HDAC8: variants seen among roughly 807,000 people sequenced by gnomAD.
HDAC8 encodes histone deacetylase 8, also known as histone deacetylase-like 1.
HDAC8 carries 1 observed loss-of-function variant against 32.2 expected under a neutral mutation model. The observed-to-expected ratio is 0.03, with a 90% CI of 0.01 to 0.15. The LOEUF is 0.15. HDAC8 is among the 10% of genes least tolerant of loss of function. The probability of loss-of-function intolerance (pLI) is 1.00; values close to 1 mark genes in which losing one functional copy is unlikely to be tolerated. For synonymous variants in HDAC8, 108 were observed against 113.9 expected, an observed-to-expected ratio of 0.95 and a Z score of 0.33; for missense variants, 117 against 300.0, an observed-to-expected ratio of 0.39 and a Z score of 4.51.
intron 9 of HDAC8, among the ~76,000 whole-genome samples, chrX:72,384,309 T>C (rs2045357419): frequency 8.9e-6 from 1 of 112,380 alleles, no homozygotes; most frequent in South Asian, 3.7e-4. Context: ...GCTCCACAGC[T>C]TGGCCTCCAA....
chrX:72,499,959 C>T (rs924095566), intron 4 of HDAC8, among the ~76,000 whole-genome samples: 8 of 111,324 alleles, frequency 7.2e-5, no homozygotes, highest in African/African-American at 2.6e-4. Flanking sequence ...TTACCACTGG[C>T]CCCACAGAAG....
At chrX:72,415,796 G>A (rs2147911522) in intron 9 of HDAC8, among the ~76,000 whole-genome samples, 1 of 111,919 alleles carries the variant, frequency 8.9e-6, no homozygotes, top group African/African-American at 3.2e-5. Flanking sequence ...TTGATATTGT[G>A]ACCTGCAACC....
At chrX:72,474,866 G>T in intron 7 of HDAC8, 1 of 417,710 alleles carries the variant, frequency 2.4e-6, no homozygotes, top group South Asian at 5.0e-5. Flanking sequence ...GTGTGCCTTT[G>T]AGATCTTTCA....
chrX:72,433,817 T>C (rs1292668377), intron 9 of HDAC8, among the ~76,000 whole-genome samples: 3 of 112,170 alleles, frequency 2.7e-5, no homozygotes, highest in Admixed American at 1.9e-4. Flanking sequence ...CAGCTAAGTG[T>C]GGTGAAAGCT....
At chrX:72,525,763 G>C (rs1315306740) in intron 4 of HDAC8, among the ~76,000 whole-genome samples, 6 of 85,251 alleles carry the variant, frequency 7.0e-5, no homozygotes, top group Non-Finnish European at 4.3e-5. Context: ...GCAGTGAGCC[G>C]AGATCGCGCC....
chrX:72,490,762 A>G (rs1262108225), intron 6 of HDAC8, among the ~76,000 whole-genome samples, 167 bp downstream of exon 6: 1 of 110,728 alleles, frequency 9.0e-6, no homozygotes, highest in African/African-American at 3.3e-5. Context: ...ATAAAAAAGA[A>G]ATTTACAAAA....
At chrX:72,358,244 C>T (rs1602571965) in intron 9 of HDAC8, among the ~76,000 whole-genome samples, 1 of 111,401 alleles carries the variant, frequency 9.0e-6, no homozygotes, top group African/African-American at 3.3e-5. Context: ...TAGATTTGTT[C>T]TTATTGTAGA....
chrX:72,351,729 T>C lies in HDAC8; in HGVS notation c.1111+4A>G, dbSNP rs1284278675. On this transcript the variant is annotated splice_donor_region_variant and intron_variant, in intron 10 of 10. Coordinates refer to ENST00000373573, the MANE Select transcript of HDAC8 (RefSeq NM_018486.3). ...GAGGGCAGGCCTCGAGGGGCGGTGC[T>C]CACCTTTGATGTAGTTGAGGATTTG... The C allele has an allele frequency of 1.3e-5, 16 of 1,193,231 alleles. No individual in the cohort carries two copies. The highest frequency in any genetic ancestry group is 1.7e-5 in the Non-Finnish European group (15 of 879,937).
chrX:72,542,451 T>G (rs2050737460), intron 4 of HDAC8, among the ~76,000 whole-genome samples: 1 of 112,339 alleles, frequency 8.9e-6, no homozygotes, highest in African/African-American at 3.2e-5. Context: ...AAAGCATACC[T>G]ATAATCAGAT....
intron 10 of HDAC8, among the ~76,000 whole-genome samples, chrX:72,349,324 C>G (rs1290892785): frequency 8.9e-6 from 1 of 112,238 alleles, no homozygotes; most frequent in Non-Finnish European, 1.9e-5. Flanking sequence ...TGTCTAGAGC[C>G]CTTTAAAATG....
In HDAC8 at chrX:72,529,873, T is replaced by C. The variant is rs184730844; in HGVS notation, c.438-34605A>G. On this transcript the variant is annotated intron_variant, in intron 4 of 10. Coordinates refer to ENST00000373573, the MANE Select transcript of HDAC8 (RefSeq NM_018486.3). Reference sequence around the variant, plus strand: ...GTGGATTTCCCCCTTGCTGTTCCCATGATAGTGAGTTCTTATGAGATCTGG... The same window carrying C: ...GTGGATTTCCCCCTTGCTGTTCCCACGATAGTGAGTTCTTATGAGATCTGG... Among the ~76,000 whole-genome samples, 44 of 111,224 alleles carry C rather than the reference T, an allele frequency of 4.0e-4. No homozygotes were observed. The East Asian group carries it at 0.011, about 29-fold the overall frequency.
Position 72,558,605 on chromosome X carries a change from A to G in HDAC8, c.437+9284T>C, listed in dbSNP as rs1325878655. ...GTACCTTAAGGTAATAAAAGGTAATAATCTACAACAAACCCACGGCCAACA... is the reference window on the plus strand; with the variant it reads ...GTACCTTAAGGTAATAAAAGGTAATGATCTACAACAAACCCACGGCCAACA... On this transcript the variant is annotated intron_variant, in intron 4 of 10. Coordinates refer to ENST00000373573, the MANE Select transcript of HDAC8 (RefSeq NM_018486.3). Among the ~76,000 whole-genome samples the G allele has an allele frequency of 2.7e-5, 3 of 111,811 alleles. No individual in the cohort carries two copies. In the Admixed American group the frequency reaches 2.8e-4, roughly 11 times the overall value.
chrX:72,354,678 T>A (rs5958783), intron 9 of HDAC8, among the ~76,000 whole-genome samples: 19,977 of 111,029 alleles, frequency 0.18, 2,278 homozygotes, highest in South Asian at 0.47. Flanking sequence ...TTAAAAAAAA[T>A]TTTTTAAATG....
intron 9 of HDAC8, among the ~76,000 whole-genome samples, chrX:72,364,744 C>T (rs3012656): frequency 0.51 from 56,194 of 109,506 alleles, 12,825 homozygotes; most frequent in East Asian, 0.9. Flanking sequence ...GGGTGATGGG[C>T]CCAGTAAAAG....
At chrX:72,572,596 A>AG in intron 1 of HDAC8, 55 bp downstream of exon 1, 6 of 316,307 alleles carry the variant, frequency 1.9e-5, no homozygotes, top group Non-Finnish European at 2.2e-5. Context: ...TCTTTCGTCC[A>AG]CCGCCCCCAC....
chrX:72,541,349 G>T (rs573171614), intron 4 of HDAC8, among the ~76,000 whole-genome samples: 2 of 111,797 alleles, frequency 1.8e-5, no homozygotes, highest in East Asian at 5.6e-4. Flanking sequence ...GGGGCACAAT[G>T]AATCCAGTGC....
rs188292704 is a variant in HDAC8 at position 72,424,616 on chromosome X, G to C, written c.1005+37388C>G. On this transcript the variant is annotated intron_variant, in intron 9 of 10. Coordinates refer to ENST00000373573, the MANE Select transcript of HDAC8 (RefSeq NM_018486.3). ...AAAGTGTACAGTTCAGTGGTATTAA[G>C]TATTTTCATAACACTGCACAACCAT... Among the ~76,000 whole-genome samples, 5 of 111,666 alleles carry C rather than the reference G, an allele frequency of 4.5e-5. No individual in the cohort carries two copies. In the Admixed American group the frequency reaches 4.8e-4, roughly 11 times the overall value.
chrX:72,499,944 G>C (rs1482286882), intron 4 of HDAC8, among the ~76,000 whole-genome samples: 1 of 111,153 alleles, frequency 9.0e-6, no homozygotes, highest in East Asian at 2.8e-4. Flanking sequence ...ATGATGAAGG[G>C]AATGTTACCA....
At chrX:72,386,355 A>G (rs2045427498) in intron 9 of HDAC8, among the ~76,000 whole-genome samples, 1 of 111,916 alleles carries the variant, frequency 8.9e-6, no homozygotes, top group African/African-American at 3.2e-5. Flanking sequence ...GGAAAGATAC[A>G]CATCAAATTT....
Sources: gnomAD v4.1 joint callset for allele counts (sites outside exome capture counted in the v4.1 genomes callset) on GRCh38, gnomAD v4.1.1 for gene constraint, MANE v1.5 for transcripts, NCBI Gene and HGNC (gene_info 2026-07-23, HGNC 2026-07-21) for gene names.